Variants in DEPDC5 observed in about 807,000 individuals in gnomAD.
DEPDC5 encodes the protein DEP domain containing 5, GATOR1 subcomplex subunit, also known as GATOR1 complex protein DEPDC5.
Under a neutral mutation model 217.3 loss-of-function variants are expected in DEPDC5, and 73 were observed. The ratio of observed to expected loss-of-function variants is 0.34; its 90% confidence interval spans 0.28 to 0.41. The LOEUF is 0.41. DEPDC5 is among the 10% of genes least tolerant of loss of function. DEPDC5 has a pLI of 1.00. For missense variants in DEPDC5, 1,675 were observed against 2,070.1 expected, an observed-to-expected ratio of 0.81 and a Z score of 3.70; for synonymous variants, 733 against 756.7, an observed-to-expected ratio of 0.97 and a Z score of 0.51.
At chr22:31,831,091 T>C (rs1009560951) in intron 24 of DEPDC5, 3 of 151,962 alleles carry the variant, frequency 2.0e-5, no homozygotes, top group African/African-American at 7.3e-5. Context: ...GGCTTTTGGC[T>C]ATTGACAAAG....
intron 21 of DEPDC5, chr22:31,815,522 C>CTAT: frequency 1.6e-6 from 1 of 640,050 alleles, no homozygotes; most frequent in Non-Finnish European, 2.8e-6. Context: ...GTAACTGGGA[C>CTAT]TATAGCATGC....
At chr22:31,888,208 T>A (rs2093358556) in intron 38 of DEPDC5, among the ~76,000 whole-genome samples, 1 of 149,846 alleles carries the variant, frequency 6.7e-6, no homozygotes, top group Non-Finnish European at 1.5e-5. Flanking sequence ...CCCACTCACA[T>A]GCCTTTCCTT....
rs2148698859 is a variant in DEPDC5 at position 31,809,635 on chromosome 22, G to A, written c.1312G>A (p.Gly438Ser). ...GCCCGCCTCTGAGAAAGCAAAAAAT[G>A]GCCGTGATACATGTGAGTATTTTTT... is the stretch of plus-strand genomic sequence containing the variant. ...KKPASEKAKN[G>S]RDTSLGSPKE... Residue 438 changes from glycine (G) to serine (S), a missense_variant, in exon 19 of 43, where the codon GGC becomes AGC. Around this residue, in one of 11 missense-constraint regions of DEPDC5, gnomAD observed 628 missense variants for 762.1 expected, o/e 0.82. Coordinates refer to ENST00000651528, the MANE Select transcript of DEPDC5 (RefSeq NM_001242896.3). 2.5e-6 allele frequency: 4 copies of A among 1,614,028 alleles called. No individual in the cohort carries two copies. The highest frequency in any genetic ancestry group is 3.4e-6 in the Non-Finnish European group (4 of 1,179,938).
At position 31,802,808 on chromosome 22, in the gene DEPDC5, A is replaced by T. The variant is rs565074056; in HGVS notation, c.1051A>T (p.Ile351Phe). ...GVFEVDRLLM[I>F]LTKQRMIDNG... ...CTTTGAAGTGGACCGCCTACTCATG[A>T]TCCTGACCAAGCAGCGGATGATAGA... is the stretch of plus-strand genomic sequence containing the variant. Residue 351 changes from isoleucine (I) to phenylalanine (F), a missense_variant, in exon 15 of 43, where the codon ATC (isoleucine) becomes TTC (phenylalanine). Ile to Phe is a conservative substitution (Grantham distance 21). Around this residue, in one of 11 missense-constraint regions of DEPDC5, gnomAD observed 628 missense variants for 762.1 expected, o/e 0.82. Coordinates refer to ENST00000651528, the MANE Select transcript of DEPDC5 (RefSeq NM_001242896.3). 1 of 1,606,962 alleles carries T rather than the reference A, an allele frequency of 6.2e-7. No homozygotes were observed. The highest frequency in any genetic ancestry group is 8.5e-7 in the Non-Finnish European group (1 of 1,176,948).
intron 12 of DEPDC5, among the ~76,000 whole-genome samples, chr22:31,796,140 G>A (rs1268778727): frequency 7.3e-6 from 1 of 136,718 alleles, no homozygotes; most frequent in South Asian, 2.3e-4. Context: ...TCGCTCTGTC[G>A]CCCAGGCTGG....
chr22:31,822,306 T>G (rs571868868), intron 23 of DEPDC5, among the ~76,000 whole-genome samples: 53 of 152,272 alleles, frequency 3.5e-4, no homozygotes, highest in Admixed American at 7.8e-4. Context: ...AGGGGATAGA[T>G]AAGGGATATG....
intron 37 of DEPDC5, among the ~76,000 whole-genome samples, chr22:31,879,094 A>G (rs1235578022): frequency 1.5e-5 from 2 of 137,286 alleles, no homozygotes; most frequent in Non-Finnish European, 3.0e-5. Context: ...ATATATATAT[A>G]CACATATATA....
intron 40 of DEPDC5, among the ~76,000 whole-genome samples, chr22:31,901,048 G>C (rs1263658391): frequency 6.6e-6 from 1 of 152,176 alleles, no homozygotes; most frequent in Admixed American, 6.5e-5. Context: ...TTCAAGACCA[G>C]ACTGGCCAAC....
chr22:31,762,993 A>T (rs1027522682), intron 4 of DEPDC5, among the ~76,000 whole-genome samples: 1 of 148,670 alleles, frequency 6.7e-6, no homozygotes, highest in Non-Finnish European at 1.5e-5. Flanking sequence ...TTTTATATTT[A>T]TATTTTTATT....
chr22:31,770,240 A>G (rs2083219617), intron 7 of DEPDC5, among the ~76,000 whole-genome samples: 1 of 152,062 alleles, frequency 6.6e-6, no homozygotes, highest in African/African-American at 2.4e-5. Context: ...CTCAAAAAAA[A>G]AAAAAGTACA....
intron 12 of DEPDC5, among the ~76,000 whole-genome samples, chr22:31,796,447 A>G (rs535333335): frequency 6.6e-6 from 1 of 152,258 alleles, no homozygotes; most frequent in African/African-American, 2.4e-5. Context: ...TTGGGTTACT[A>G]TTGTTGAAAA....
intron 24 of DEPDC5, among the ~76,000 whole-genome samples, chr22:31,825,561 TC>T (rs1459492743): frequency 6.6e-6 from 1 of 152,128 alleles, no homozygotes; most frequent in Non-Finnish European, 1.5e-5. Context: ...GTCTCCCTGT[TC>T]CTCAGCCCAT....
At chr22:31,763,051 C>T (rs8141241) in intron 4 of DEPDC5, among the ~76,000 whole-genome samples, 3,528 of 152,048 alleles carry the variant, frequency 0.023, 126 homozygotes, top group African/African-American at 0.074. Context: ...AACGCAATGA[C>T]ATGGTCTCAG....
chr22:31,831,407 GA>G (rs1416784767), intron 24 of DEPDC5, among the ~76,000 whole-genome samples: 1 of 152,162 alleles, frequency 6.6e-6, no homozygotes, highest in African/African-American at 2.4e-5. Flanking sequence ...AGTTCCAAAA[GA>G]AAAGTCCTAA....
chr22:31,778,848 AGGGGTGATTTTG>A (rs2084145861), intron 8 of DEPDC5, among the ~76,000 whole-genome samples: 1 of 152,156 alleles, frequency 6.6e-6, no homozygotes, highest in Non-Finnish European at 1.5e-5. Context: ...GTTTTCAACC[AGGGGTGATTTTG>A]CTCCCTTCAG....
intron 24 of DEPDC5, among the ~76,000 whole-genome samples, chr22:31,823,693 T>A (rs2089913166): frequency 6.6e-6 from 1 of 152,186 alleles, no homozygotes; most frequent in South Asian, 2.1e-4. Flanking sequence ...TTTTTGGAAA[T>A]ACTTTTATAT....
At chr22:31,757,390 C>A (rs1986664784) in intron 2 of DEPDC5, 1 of 152,172 alleles carries the variant, frequency 6.6e-6, no homozygotes, top group Non-Finnish European at 1.5e-5. Flanking sequence ...TGTGAACCAC[C>A]TCAGGTTGGG....
intron 3 of DEPDC5, 51 bp from the exon 4 acceptor site, chr22:31,760,605 A>G: frequency 1.3e-6 from 2 of 1,544,378 alleles, no homozygotes; most frequent in Non-Finnish European, 8.9e-7. Context: ...GAAGGTTGCT[A>G]GGGAGTTACT....
intron 26 of DEPDC5, among the ~76,000 whole-genome samples, chr22:31,837,922 C>T (rs1222257108): frequency 6.6e-6 from 1 of 151,440 alleles, no homozygotes; most frequent in South Asian, 2.1e-4. Context: ...AGGCTGGTCT[C>T]GAACTCATGA....
Sources: allele counts gnomAD v4.1 joint callset (sites outside exome capture counted in the v4.1 genomes callset), GRCh38; gene constraint gnomAD v4.1.1; regional missense constraint gnomAD v4.1.1; transcripts MANE v1.5; gene names NCBI Gene and HGNC (gene_info 2026-07-23, HGNC 2026-07-21).